The following CTNNA2 variants were observed in gnomAD, a reference collection of about 807,000 sequenced individuals.
CTNNA2 encodes the protein catenin alpha 2, also known as catenin alpha-2.
Under a neutral mutation model 101.0 loss-of-function variants are expected in CTNNA2, and 42 were observed. The ratio of observed to expected loss-of-function variants is 0.42; its 90% confidence interval spans 0.32 to 0.54. CTNNA2 has a LOEUF of 0.54. Ranked by LOEUF, CTNNA2 falls within the 20% of genes least tolerant of loss-of-function variation. The pLI is 0.14. For synonymous variants in CTNNA2, 450 were observed against 456.4 expected (o/e 0.99, Z 0.18); for missense variants, 871 against 1,223.1 (o/e 0.71, Z 4.29).
intron 7 of CTNNA2, among the ~76,000 whole-genome samples, chr2:79,923,542 A>G (rs950227523): frequency 6.6e-6 from 1 of 152,182 alleles, no homozygotes; most frequent in African/African-American, 2.4e-5. Context: ...CATCAAACTA[A>G]TTAACATATC....
At chr2:80,532,207 C>G (rs10182946) in intron 9 of CTNNA2, among the ~76,000 whole-genome samples, 2,068 of 152,298 alleles carry the variant, frequency 0.014, 35 homozygotes, top group African/African-American at 0.044. Flanking sequence ...GTAGTCCCCC[C>G]TTATCCATAG....
At chr2:79,756,883 A>T (rs1672437694) in intron 3 of CTNNA2, among the ~76,000 whole-genome samples, 1 of 152,208 alleles carries the variant, frequency 6.6e-6, no homozygotes, top group South Asian at 2.1e-4. Context: ...TAATATCCTT[A>T]CTAGAATCAC....
chr2:80,479,861 G>A (rs1686014660), intron 9 of CTNNA2, among the ~76,000 whole-genome samples: 1 of 152,076 alleles, frequency 6.6e-6, no homozygotes, highest in South Asian at 2.1e-4. Flanking sequence ...AATTTAAGTG[G>A]CCACTTTCAG....
At chr2:79,264,101 C>T (rs2104290491) in intron 2 of CTNNA2, among the ~76,000 whole-genome samples, 1 of 152,162 alleles carries the variant, frequency 6.6e-6, no homozygotes, top group African/African-American at 2.4e-5. Flanking sequence ...AGAGAAAATA[C>T]AACTCAGGAC....
intron 13 of CTNNA2, among the ~76,000 whole-genome samples, chr2:80,579,714 T>G (rs146068734): frequency 4.1e-4 from 62 of 152,220 alleles, no homozygotes; most frequent in African/African-American, 1.4e-3. Flanking sequence ...AAAACAAGAG[T>G]GATATGCCAA....
At chr2:80,582,801 A>C (rs1695651851) in intron 14 of CTNNA2, among the ~76,000 whole-genome samples, 1 of 152,178 alleles carries the variant, frequency 6.6e-6, no homozygotes, top group South Asian at 2.1e-4. Context: ...GGTAATTTAA[A>C]ATAGAAATTG....
intron 11 of CTNNA2, among the ~76,000 whole-genome samples, chr2:80,555,376 T>C (rs1489985068): frequency 6.6e-6 from 1 of 152,174 alleles, no homozygotes; most frequent in African/African-American, 2.4e-5. Context: ...AATGTTGTCT[T>C]CAAACCAGTG....
chr2:79,821,017 C>T (rs1677957910), intron 3 of CTNNA2, among the ~76,000 whole-genome samples: 1 of 152,196 alleles, frequency 6.6e-6, no homozygotes, highest in Non-Finnish European at 1.5e-5. Context: ...ACTAATATAA[C>T]ATAAACAAAA....
At chr2:79,412,132 T>C (rs1382994173) in intron 4 of CTNNA2, among the ~76,000 whole-genome samples, 1 of 151,504 alleles carries the variant, frequency 6.6e-6, no homozygotes, top group Non-Finnish European at 1.5e-5. Context: ...CCAACAAAGA[T>C]CAAAAGAGAC....
intron 1 of CTNNA2, among the ~76,000 whole-genome samples, chr2:79,551,938 A>G (rs1369843098): frequency 6.6e-6 from 1 of 152,140 alleles, no homozygotes; most frequent in Non-Finnish European, 1.5e-5. Flanking sequence ...ATTTGACATG[A>G]AATTTGGGCA....
At chr2:80,442,381 A>G (rs141688802) in intron 9 of CTNNA2, among the ~76,000 whole-genome samples, 1,732 of 152,344 alleles carry the variant, frequency 0.011, 25 homozygotes, top group Non-Finnish European at 0.018. Context: ...ATTCACTGCC[A>G]GGAACGCAGG....
chr2:79,936,167 T>A (rs74561288), intron 7 of CTNNA2, among the ~76,000 whole-genome samples: 2 of 149,258 alleles, frequency 1.3e-5, no homozygotes, highest in Non-Finnish European at 3.0e-5. Flanking sequence ...TTTGATTCTA[T>A]TTTTTTTTTC....
chr2:80,255,592 G>A (rs1055573472), intron 7 of CTNNA2, among the ~76,000 whole-genome samples: 27 of 152,050 alleles, frequency 1.8e-4, no homozygotes, highest in African/African-American at 4.8e-4. Flanking sequence ...CATCAAACTC[G>A]CGGGCCTTGT....
chr2:79,980,578 G>A (rs1352157373), intron 7 of CTNNA2, among the ~76,000 whole-genome samples: 1 of 151,868 alleles, frequency 6.6e-6, no homozygotes, highest in Non-Finnish European at 1.5e-5. Context: ...ATATTTATAT[G>A]GATATTTATA....
chr2:80,215,714 C>T (rs1708222070), intron 7 of CTNNA2, among the ~76,000 whole-genome samples: 1 of 152,172 alleles, frequency 6.6e-6, no homozygotes, highest in Non-Finnish European at 1.5e-5. Flanking sequence ...GGGTCAGGGA[C>T]CCACTTGAGG....
chr2:79,677,068 T>C (rs1573647223), intron 2 of CTNNA2, among the ~76,000 whole-genome samples: 1 of 152,172 alleles, frequency 6.6e-6, no homozygotes, highest in South Asian at 2.1e-4. Flanking sequence ...TACCTGGAAC[T>C]ACATCACCAC....
intron 1 of CTNNA2, among the ~76,000 whole-genome samples, chr2:79,194,432 G>T (rs1223036776): frequency 6.6e-6 from 1 of 152,148 alleles, no homozygotes; most frequent in African/African-American, 2.4e-5. Flanking sequence ...GGTTTTGCTG[G>T]TTCCTGAGGA....
chr2:80,091,426 T>C (rs1241100274), intron 7 of CTNNA2, among the ~76,000 whole-genome samples: 1 of 152,054 alleles, frequency 6.6e-6, no homozygotes, highest in Non-Finnish European at 1.5e-5. Flanking sequence ...GATATGATGG[T>C]TTGTGCCCTG....
intron 6 of CTNNA2, among the ~76,000 whole-genome samples, chr2:79,903,819 A>G (rs550780356): frequency 1.3e-5 from 2 of 152,182 alleles, no homozygotes; most frequent in African/African-American, 4.8e-5. Context: ...CCTGTTGGGC[A>G]GGAGCATGCG....
Sources: gnomAD v4.1 joint callset for allele counts (sites outside exome capture counted in the v4.1 genomes callset) on GRCh38, gnomAD v4.1.1 for gene constraint, MANE v1.5 for transcripts, NCBI Gene and HGNC (gene_info 2026-07-23, HGNC 2026-07-21) for gene names.